The following TMEM45B variants were observed in gnomAD, a reference collection of about 807,000 sequenced individuals.
TMEM45B encodes the protein transmembrane protein 45B.
TMEM45B carries 29 observed loss-of-function variants against 27.3 expected under a neutral mutation model. The ratio of observed to expected loss-of-function variants is 1.06; its 90% CI spans 0.79 to 1.45. The LOEUF is 1.45. Among genes scored for constraint, TMEM45B ranks in the 40% most tolerant of loss-of-function variants. The pLI is 0.00. For missense variants in TMEM45B, 348 were observed against 343.9 expected, an observed-to-expected ratio of 1.01 and a Z score of -0.09; for synonymous variants, 143 against 134.7, an observed-to-expected ratio of 1.06 and a Z score of -0.43.
chr11:129,857,491 C>G, intron 5 of TMEM45B, 33 bp downstream of exon 5: 1 of 1,612,570 alleles, frequency 6.2e-7, no homozygotes, highest in Admixed American at 1.7e-5. Flanking sequence ...GCTTTTCCTC[C>G]TAACTCTAAG....
At chr11:129,844,202 A>G (rs1397395322) in intron 1 of TMEM45B, among the ~76,000 whole-genome samples, 1 of 152,230 alleles carries the variant, frequency 6.6e-6, no homozygotes, top group Non-Finnish European at 1.5e-5. Context: ...CCAGACACAG[A>G]AAAAATGCTG....
At chr11:129,858,044 G>C (rs963902047) in intron 5 of TMEM45B, among the ~76,000 whole-genome samples, 15 of 152,128 alleles carry the variant, frequency 9.9e-5, no homozygotes, top group Non-Finnish European at 2.1e-4. Flanking sequence ...TACAGGTGGA[G>C]AAAACAAGGC....
At chr11:129,816,003 G>A in intron 1 of TMEM45B, 105 bp downstream of exon 1, 1 of 1,234,572 alleles carries the variant, frequency 8.1e-7, no homozygotes, top group East Asian at 3.2e-5. Context: ...GTTCCGACTC[G>A]CAGGGGACCT....
At chr11:129,821,471 T>C (rs572561973) in intron 1 of TMEM45B, among the ~76,000 whole-genome samples, 141 of 152,336 alleles carry the variant, frequency 9.3e-4, no homozygotes, top group Middle Eastern at 3.4e-3. Flanking sequence ...GGAATACATA[T>C]GTACTTTCAT....
In TMEM45B at chr11:129,845,046, C is replaced by G. The variant is rs115010231; in HGVS notation, c.-8-7429C>G. 5.6e-3 allele frequency among the ~76,000 whole-genome samples: 849 copies of G among 152,162 alleles called. 13 individuals are homozygous for G. The highest frequency in any genetic ancestry group is 0.019 in the African/African-American group (801 of 41,486). On this transcript the variant is annotated intron_variant, in intron 1 of 5. Transcript: ENST00000281441. ...AAATATCAAAGAATATATATATATT[C>G]ATGCTTTGAAAAATGTAAAATTGCT...
At chr11:129,818,006 G>C (rs1262970638) in intron 1 of TMEM45B, among the ~76,000 whole-genome samples, 1 of 152,066 alleles carries the variant, frequency 6.6e-6, no homozygotes, top group Non-Finnish European at 1.5e-5. Flanking sequence ...TTCCATATTT[G>C]TTTCTATAGA....
chr11:129,848,249 G>A (rs1458819646), intron 1 of TMEM45B, among the ~76,000 whole-genome samples: 5 of 152,126 alleles, frequency 3.3e-5, no homozygotes, highest in East Asian at 3.9e-4. Flanking sequence ...ACGAGACTCC[G>A]TCTGCAATCC....
intron 1 of TMEM45B, among the ~76,000 whole-genome samples, chr11:129,840,352 G>A (rs1181980198): frequency 6.6e-6 from 1 of 152,200 alleles, no homozygotes; most frequent in African/African-American, 2.4e-5. Flanking sequence ...CTGGTATCAA[G>A]TACATAGAGG....
chr11:129,856,781 A>G (rs1223083808), intron 4 of TMEM45B, among the ~76,000 whole-genome samples: 1 of 151,068 alleles, frequency 6.6e-6, no homozygotes, highest in African/African-American at 2.4e-5. Context: ...GGATGGTTTC[A>G]ATCTCCTGAC....
chr11:129,823,984 A>G (rs1290822088), intron 1 of TMEM45B, among the ~76,000 whole-genome samples: 5 of 152,176 alleles, frequency 3.3e-5, no homozygotes, highest in Admixed American at 1.3e-4. Flanking sequence ...CCTCCCCTAC[A>G]TTGATCTACA....
intron 5 of TMEM45B, 45 bp from the exon 6 acceptor site, chr11:129,858,529 A>G (rs1256828520): frequency 3.5e-6 from 5 of 1,408,508 alleles, no homozygotes; most frequent in Non-Finnish European, 4.9e-6. Context: ...GTAATGGATT[A>G]AGGGAATCTC....
intron 1 of TMEM45B, among the ~76,000 whole-genome samples, chr11:129,847,721 C>T (rs1023491274): frequency 1.3e-5 from 2 of 152,172 alleles, no homozygotes; most frequent in African/African-American, 2.4e-5. Flanking sequence ...CATAGATCAA[C>T]AGGATCCCAA....
intron 4 of TMEM45B, among the ~76,000 whole-genome samples, chr11:129,856,237 A>C (rs375864020): frequency 6.6e-6 from 1 of 152,118 alleles, no homozygotes; most frequent in African/African-American, 2.4e-5. Flanking sequence ...GTTTTGAGAG[A>C]GACTCACCCT....
intron 1 of TMEM45B, among the ~76,000 whole-genome samples, chr11:129,849,288 C>T (rs1334971221): frequency 6.6e-6 from 1 of 152,160 alleles, no homozygotes; most frequent in Non-Finnish European, 1.5e-5. Flanking sequence ...AGGCACAGGA[C>T]AGATGTTTCT....
At chr11:129,837,991 A>G (rs1947645597) in intron 1 of TMEM45B, among the ~76,000 whole-genome samples, 1 of 151,938 alleles carries the variant, frequency 6.6e-6, no homozygotes, top group East Asian at 1.9e-4. Flanking sequence ...CATGTTGGCC[A>G]GCCTGGTCTC....
chr11:129,854,539 G>A (rs76610870), intron 2 of TMEM45B, 71 bp from the exon 3 acceptor site: 7 of 1,506,808 alleles, frequency 4.6e-6, no homozygotes, highest in African/African-American at 2.8e-5. Context: ...CATGCCTTTG[G>A]GTTATTCCTT....
chr11:129,832,232 T>C (rs1211197030), intron 1 of TMEM45B, among the ~76,000 whole-genome samples: 12 of 151,666 alleles, frequency 7.9e-5, no homozygotes, highest in Admixed American at 6.6e-4. Context: ...TAGCCGGGCA[T>C]GGTGGCAGGC....
At chr11:129,824,061 A>G (rs1947451338) in intron 1 of TMEM45B, among the ~76,000 whole-genome samples, 1 of 152,216 alleles carries the variant, frequency 6.6e-6, no homozygotes, top group African/African-American at 2.4e-5. Flanking sequence ...CTACCTGTCA[A>G]TCACACAGAC....
intron 1 of TMEM45B, among the ~76,000 whole-genome samples, chr11:129,833,183 T>G (rs1256255358): frequency 2.0e-5 from 3 of 149,866 alleles, no homozygotes; most frequent in African/African-American, 7.4e-5. Flanking sequence ...GAGGCTGCAG[T>G]GAGTTGAGGT....
Sources: gnomAD v4.1 joint callset for allele counts (sites outside exome capture counted in the v4.1 genomes callset) on GRCh38, gnomAD v4.1.1 for gene constraint, MANE v1.5 for transcripts, NCBI Gene and HGNC (gene_info 2026-07-23, HGNC 2026-07-21) for gene names.